CAB39L: variants seen among roughly 807,000 people sequenced by gnomAD.
The protein encoded by CAB39L is calcium binding protein 39 like.
A neutral mutation model predicts 39.1 loss-of-function variants in CAB39L; 23 were observed. The observed-to-expected ratio is 0.59, with a 90% confidence interval of 0.42 to 0.83. The LOEUF is 0.83. Ranked by LOEUF, CAB39L falls within the 40% of genes least tolerant of loss-of-function variation. The pLI, the probability that CAB39L is intolerant of heterozygous loss-of-function variation, is 0.00. For missense variants in CAB39L, 366 were observed against 391.9 expected, an observed-to-expected ratio of 0.93 and a Z score of 0.56; for synonymous variants, 126 against 137.2, an observed-to-expected ratio of 0.92 and a Z score of 0.57.
chr13:49,313,621 C>T (rs944334270), intron 10 of CAB39L, among the ~76,000 whole-genome samples: 3 of 152,190 alleles, frequency 2.0e-5, no homozygotes, highest in Admixed American at 6.5e-5. Flanking sequence ...GTGGAAACCA[C>T]GATCTGATAC....
At chr13:49,387,698 C>G (rs1203770950) in intron 3 of CAB39L, among the ~76,000 whole-genome samples, 1 of 152,094 alleles carries the variant, frequency 6.6e-6, no homozygotes, top group Non-Finnish European at 1.5e-5. Flanking sequence ...AATTAATTCT[C>G]TATAAAGCTA....
intron 3 of CAB39L, among the ~76,000 whole-genome samples, chr13:49,422,547 T>C (rs1957185800): frequency 6.6e-6 from 1 of 152,158 alleles, no homozygotes; most frequent in African/African-American, 2.4e-5. Flanking sequence ...CACTCCAGCC[T>C]GGGAGACAGA....
intron 3 of CAB39L, among the ~76,000 whole-genome samples, chr13:49,422,247 G>A (rs1957182090): frequency 6.6e-6 from 1 of 152,062 alleles, no homozygotes; most frequent in Non-Finnish European, 1.5e-5. Context: ...TATTTCCAAG[G>A]AATTTTAGCC....
At chr13:49,351,544 T>C (rs886247659) in intron 6 of CAB39L, among the ~76,000 whole-genome samples, 3 of 152,028 alleles carry the variant, frequency 2.0e-5, no homozygotes, top group Non-Finnish European at 4.4e-5. Context: ...AGGTAAGCAG[T>C]TGGTTTTATT....
chr13:49,352,971 T>C (rs1955395808), intron 6 of CAB39L, among the ~76,000 whole-genome samples: 1 of 152,202 alleles, frequency 6.6e-6, no homozygotes. Flanking sequence ...AAAGATTCAA[T>C]TGAGGAAATA....
intron 8 of CAB39L, 93 bp downstream of exon 8, chr13:49,344,086 C>T: frequency 1.3e-6 from 1 of 782,258 alleles, no homozygotes; most frequent in South Asian, 1.5e-5. Flanking sequence ...CGACTGATTT[C>T]TCTTGTGGAT....
At chr13:49,427,329 C>G (rs538978310) in intron 3 of CAB39L, among the ~76,000 whole-genome samples, 38 of 152,154 alleles carry the variant, frequency 2.5e-4, no homozygotes, top group Non-Finnish European at 5.0e-4. Context: ...CTGACAGTGT[C>G]TTCAATGTCC....
intron 3 of CAB39L, among the ~76,000 whole-genome samples, chr13:49,387,754 C>G (rs1450721853): frequency 6.6e-6 from 1 of 152,066 alleles, no homozygotes; most frequent in African/African-American, 2.4e-5. Context: ...ACAAAAAGCT[C>G]TTTTAGACAA....
intron 1 of CAB39L, among the ~76,000 whole-genome samples, chr13:49,443,171 C>T (rs992375433): frequency 6.6e-6 from 1 of 151,470 alleles, no homozygotes; most frequent in Non-Finnish European, 1.5e-5. Flanking sequence ...AATTAAGGTG[C>T]TTTCCCTAAC....
intron 10 of CAB39L, among the ~76,000 whole-genome samples, chr13:49,317,206 T>C (rs1442427847): frequency 6.6e-6 from 1 of 152,122 alleles, no homozygotes; most frequent in Non-Finnish European, 1.5e-5. Context: ...AAGAGTTTGA[T>C]AAAATCCAAC....
intron 4 of CAB39L, among the ~76,000 whole-genome samples, chr13:49,378,604 G>T (rs1177952709): frequency 4.8e-5 from 3 of 62,020 alleles, no homozygotes; most frequent in African/African-American, 9.6e-5. Context: ...TCAGCCCTCC[G>T]CCCGGCCAGC....
At chr13:49,364,088 T>A (rs913360691) in intron 5 of CAB39L, among the ~76,000 whole-genome samples, 5 of 152,132 alleles carry the variant, frequency 3.3e-5, no homozygotes, top group Non-Finnish European at 7.4e-5. Flanking sequence ...AGTCATTATA[T>A]AATAATAAAG....
chr13:49,412,874 G>C (rs572696942), intron 3 of CAB39L: 2 of 152,328 alleles, frequency 1.3e-5, no homozygotes, highest in Non-Finnish European at 2.9e-5. Flanking sequence ...AACAGGAGGC[G>C]GAATTCAGAT....
chr13:49,312,996 T>C (rs893135430), intron 10 of CAB39L, among the ~76,000 whole-genome samples: 1 of 152,194 alleles, frequency 6.6e-6, no homozygotes, highest in Non-Finnish European at 1.5e-5. Context: ...TCCTATTACA[T>C]AGATATTTAA....
At chr13:49,366,354 C>A (rs886667948) in intron 5 of CAB39L, among the ~76,000 whole-genome samples, 5 of 151,404 alleles carry the variant, frequency 3.3e-5, no homozygotes, top group Admixed American at 1.3e-4. Flanking sequence ...TATGTACCCA[C>A]AAAAATTAAA....
At chr13:49,443,102 G>C (rs962670119) in intron 1 of CAB39L, among the ~76,000 whole-genome samples, 1 of 107,526 alleles carries the variant, frequency 9.3e-6, no homozygotes, top group South Asian at 2.9e-4. Context: ...AAAAAAAAAA[G>C]GAGGAGGGAA....
At chr13:49,327,537 C>T (rs1969839) in intron 10 of CAB39L, among the ~76,000 whole-genome samples, 12,830 of 151,822 alleles carry the variant, frequency 0.085, 1,022 homozygotes, top group East Asian at 0.45. Context: ...CTCCTGGCCT[C>T]AAGTGATCCA....
chr13:49,432,683 T>C (rs1957345999), intron 3 of CAB39L, among the ~76,000 whole-genome samples: 1 of 152,188 alleles, frequency 6.6e-6, no homozygotes, highest in South Asian at 2.1e-4. Context: ...ACAAGGTACC[T>C]GAGAGTATTA....
intron 5 of CAB39L, among the ~76,000 whole-genome samples, chr13:49,364,682 T>A (rs1242202986): frequency 6.6e-6 from 1 of 151,644 alleles, no homozygotes; most frequent in East Asian, 1.9e-4. Context: ...AAAAAAGAAA[T>A]CCCATTTATA....
Sources: gnomAD v4.1 joint callset for allele counts (sites outside exome capture counted in the v4.1 genomes callset) on GRCh38, gnomAD v4.1.1 for gene constraint, MANE v1.5 for transcripts, NCBI Gene and HGNC (gene_info 2026-07-23, HGNC 2026-07-21) for gene names.